The following EEA1 variants were observed in gnomAD, a reference collection of about 807,000 sequenced individuals.
EEA1 encodes early endosome antigen 1.
Under a neutral mutation model 209.2 loss-of-function variants are expected in EEA1, and 111 were observed. That is an observed-to-expected ratio of 0.53 (90% CI 0.45 to 0.62). The LOEUF (loss-of-function observed/expected upper bound fraction) is 0.62. Among genes scored for constraint, EEA1 ranks in the 20% least tolerant of loss-of-function variants. The probability of loss-of-function intolerance (pLI) is 0.00; values close to 1 mark genes in which losing one functional copy is unlikely to be tolerated. For missense variants in EEA1, 1,343 were observed against 1,530.8 expected (o/e 0.88, Z 2.05); for synonymous variants, 536 against 540.6 (o/e 0.99, Z 0.12).
intron 1 of EEA1, among the ~76,000 whole-genome samples, chr12:92,906,168 T>C (rs571346282): frequency 5.4e-4 from 82 of 151,562 alleles, no homozygotes; most frequent in African/African-American, 2.0e-3. Context: ...CTCGGCTCAT[T>C]GCAACCTCTG....
At chr12:92,893,447 C>T (rs549995376) in intron 1 of EEA1, among the ~76,000 whole-genome samples, 1 of 152,200 alleles carries the variant, frequency 6.6e-6, no homozygotes, top group South Asian at 2.1e-4. Flanking sequence ...ACTGAAATGC[C>T]CCTCAATCAC....
At chr12:92,857,521 T>C (rs370581417) in intron 3 of EEA1, 36 bp from the exon 4 acceptor site, 1 of 1,397,184 alleles carries the variant, frequency 7.2e-7, no homozygotes, top group Non-Finnish European at 9.8e-7. Context: ...TAATAGTCAA[T>C]GTCCTTTAAT....
chr12:92,794,529 C>T (rs1227136978), intron 21 of EEA1, among the ~76,000 whole-genome samples: 4 of 152,082 alleles, frequency 2.6e-5, no homozygotes, highest in Non-Finnish European at 4.4e-5. Context: ...GGCACATATA[C>T]ACCATGGAAT....
At chr12:92,885,939 C>G (rs987626383) in intron 2 of EEA1, among the ~76,000 whole-genome samples, 1 of 151,930 alleles carries the variant, frequency 6.6e-6, no homozygotes, top group South Asian at 2.1e-4. Context: ...TAGAAAAGTT[C>G]CAAGGAACAT....
chr12:92,897,318 G>GCT (rs1879928072), intron 1 of EEA1, among the ~76,000 whole-genome samples: 1 of 152,114 alleles, frequency 6.6e-6, no homozygotes, highest in Admixed American at 6.6e-5. Flanking sequence ...TTTACCCTAG[G>GCT]CTCTGATTGG....
chr12:92,857,720 A>G (rs1361941510), intron 3 of EEA1, among the ~76,000 whole-genome samples: 1 of 152,238 alleles, frequency 6.6e-6, no homozygotes, highest in Non-Finnish European at 1.5e-5. Flanking sequence ...AAATAATCAT[A>G]TAACTGACTG....
chr12:92,902,005 G>T (rs1880163122), intron 1 of EEA1, among the ~76,000 whole-genome samples: 1 of 152,100 alleles, frequency 6.6e-6, no homozygotes, highest in Non-Finnish European at 1.5e-5. Context: ...TTTGCAAAAA[G>T]AATGGGATTG....
rs1592756239 is a variant in EEA1, at chr12:92,884,199, A to G, written c.117+7430T>C. 4.7e-6 allele frequency: 7 copies of G among 1,494,854 alleles called. No individual in the cohort carries two copies. In the East Asian group the frequency reaches 1.6e-4, roughly 34 times the overall value. 92.6% of individuals were successfully genotyped at this position (1,494,854 alleles called of 1,614,324 possible). ...ATCATGACTCACTGAGGCAGTGCCA[A>G]GAAAAGGGGCTTTGCCTTTGTAACC... On this transcript the variant is annotated intron_variant, in intron 2 of 28. Coordinates refer to ENST00000322349, the MANE Select transcript of EEA1 (RefSeq NM_003566.4).
At chr12:92,836,142 C>G (rs548847314) in intron 10 of EEA1, among the ~76,000 whole-genome samples, 2 of 152,114 alleles carry the variant, frequency 1.3e-5, no homozygotes, top group African/African-American at 4.8e-5. Flanking sequence ...GTTGACAGAG[C>G]CTGATATGAT....
chr12:92,819,491 T>C lies in EEA1; in HGVS notation c.1545A>G (p.Leu515=). The C allele has an allele frequency of 6.2e-7, 1 of 1,603,662 alleles. No individual in the cohort carries two copies. The highest frequency in any genetic ancestry group is 2.2e-5 in the East Asian group (1 of 44,644). Residue 515 remains leucine (L), a synonymous_variant, in exon 14 of 29, where the codon CTA becomes CTG. Transcript: ENST00000322349. ...REAQNDLEQV[L]RQIGDKDQKI... ...TTTGGTCCTTATCGCCAATTTGACGTAGAACTTGTTCCAAATCATTCTGTA... is the reference window on the plus strand; with the variant it reads ...TTTGGTCCTTATCGCCAATTTGACGCAGAACTTGTTCCAAATCATTCTGTA...
At chr12:92,898,954 GA>G (rs80168486) in intron 1 of EEA1, among the ~76,000 whole-genome samples, 4,117 of 129,086 alleles carry the variant, frequency 0.032, 187 homozygotes, top group African/African-American at 0.11. Context: ...ACTCATGAGT[GA>G]AAAAAAAAAA....
rs5800089 is a variant in EEA1, at chr12:92,834,546, T to TAAAAAAAAA, written c.916-1705_916-1697dup. 2.7e-5 allele frequency among the ~76,000 whole-genome samples: 2 copies of TAAAAAAAAA among 74,424 alleles called. 1 individual carries two copies. The highest frequency in any genetic ancestry group is 3.6e-4 in the Admixed American group (2 of 5,498). The allele number at this position is 74,424 out of a possible 152,430, so 48.8% of individuals were successfully genotyped here. A position where few individuals can be genotyped will look rare whatever the true frequency, so the allele number is the denominator to read the frequency against. Reference sequence around the variant, plus strand: ...GGCAACAAGGGCAAGACCCTGTCACTAAAAAAAAAAAAAAAAAAAAAAAGA... The same window carrying TAAAAAAAAA: ...GGCAACAAGGGCAAGACCCTGTCACTAAAAAAAAAAAAAAAAAAAAAAAAAAAAAAAAGA... On this transcript the variant is annotated intron_variant, in intron 10 of 28. Transcript: ENST00000322349.
At position 92,781,991 on chromosome 12, in the gene EEA1, G is replaced by T. The variant is rs539752767; in HGVS notation, c.3295C>A (p.Gln1099Lys). 1.2e-6 allele frequency: 2 copies of T among 1,613,232 alleles called. No homozygotes were observed. Among genetic ancestry groups the T allele is most frequent in the East Asian group, 2.2e-5 (1 of 44,826 alleles). The change falls in exon 23 of 29, where the codon CAG becomes AAG. Residue 1099 changes from glutamine (Q) to lysine (K), a missense_variant. Gln to Lys is a moderately conservative substitution (Grantham distance 53, BLOSUM62 1). This residue lies in a region of EEA1 where 1,307 missense variants were observed against 1,465.5 expected (regional missense o/e 0.89). Transcript: ENST00000322349. ...TCTTGTAGTGCTTTACATCGCTCCTGCAATTGCTGTTCTTTCTTTGCTGAA... is the reference window on the plus strand; with the variant it reads ...TCTTGTAGTGCTTTACATCGCTCCTTCAATTGCTGTTCTTTCTTTGCTGAA... ...QDSAKKEQQL[Q>K]ERCKALQDIQ...
chr12:92,792,866 G>A (rs546609037), intron 21 of EEA1, among the ~76,000 whole-genome samples: 109 of 152,212 alleles, frequency 7.2e-4, no homozygotes, highest in Non-Finnish European at 1.2e-3. Flanking sequence ...GATGAACATC[G>A]ATGCGAAAAT....
rs201876541 is a variant in EEA1, at chr12:92,886,208, AC to A, written c.117+5420del. On this transcript the variant is annotated intron_variant, in intron 2 of 28. Coordinates refer to ENST00000322349, the MANE Select transcript of EEA1 (RefSeq NM_003566.4). ...AGATCAAATTTGAAAAAAAAAAAAA[AC>A]AATCAGAACTAGCTGGACATGGTGG... Among the ~76,000 whole-genome samples the A allele has an allele frequency of 2.3e-3, 333 of 147,762 alleles. 2 individuals are homozygous for A. In the East Asian group the frequency reaches 0.037, roughly 16 times the overall value.
At chr12:92,896,422 T>C (rs1028682546) in intron 1 of EEA1, among the ~76,000 whole-genome samples, 1 of 152,150 alleles carries the variant, frequency 6.6e-6, no homozygotes, top group Non-Finnish European at 1.5e-5. Context: ...GAATATTCCA[T>C]AAATTTAGTT....
intron 2 of EEA1, among the ~76,000 whole-genome samples, chr12:92,869,007 A>C (rs1592747400): frequency 6.6e-6 from 1 of 151,554 alleles, no homozygotes; most frequent in South Asian, 2.1e-4. Flanking sequence ...GGGTAGATTA[A>C]AAAAAAAAGT....
At chr12:92,867,329 T>C (rs890126241) in intron 2 of EEA1, among the ~76,000 whole-genome samples, 2 of 152,176 alleles carry the variant, frequency 1.3e-5, no homozygotes, top group Non-Finnish European at 2.9e-5. Flanking sequence ...CTCACTGTAA[T>C]ACACAGCATA....
At chr12:92,848,722 C>CTTTTTTTT (rs71069184) in intron 9 of EEA1, among the ~76,000 whole-genome samples, 1 of 64,548 alleles carries the variant, frequency 1.5e-5, no homozygotes. Context: ...ATATTCTCAC[C>CTTTTTTTT]TTTTTTTTTT....
Sources: gnomAD v4.1 joint callset for allele counts (sites outside exome capture counted in the v4.1 genomes callset) on GRCh38, gnomAD v4.1.1 for gene constraint, gnomAD v4.1.1 regional missense constraint, MANE v1.5 for transcripts, NCBI Gene and HGNC (gene_info 2026-07-23, HGNC 2026-07-21) for gene names.